ESPN: variants seen among roughly 807,000 people sequenced by gnomAD.
ESPN encodes the protein autosomal recessive deafness type 36 protein.
Under a neutral mutation model 77.7 loss-of-function variants are expected in ESPN, and 68 were observed. The observed-to-expected ratio is 0.87, with a 90% CI of 0.72 to 1.07. The LOEUF (loss-of-function observed/expected upper bound fraction) is 1.07, where lower values mean the gene tolerates loss of function less well. Among genes scored for constraint, ESPN ranks in the 50% least tolerant of loss-of-function variants. The probability of loss-of-function intolerance (pLI) is 0.00; values close to 1 mark genes in which losing one functional copy is unlikely to be tolerated. For synonymous variants in ESPN, 449 were observed against 567.1 expected (o/e 0.79, Z 2.96); for missense variants, 1,060 against 1,239.0 (o/e 0.86, Z 2.17).
At chr1:6,444,120 T>C (rs1310525803) in intron 5 of ESPN, among the ~76,000 whole-genome samples, 4 of 152,220 alleles carry the variant, frequency 2.6e-5, no homozygotes, top group African/African-American at 9.6e-5. Flanking sequence ...GGGCCTGTGC[T>C]GTGCGCCTCC....
In ESPN at chr1:6,451,844, G is replaced by T; in HGVS notation, c.2073G>T (p.Pro691=). The T allele has an allele frequency of 2.5e-6, 4 of 1,611,122 alleles. No individual in the cohort carries two copies. Among genetic ancestry groups the T allele is most frequent in the Non-Finnish European group, 3.4e-6 (4 of 1,179,164 alleles). Residue 691 remains proline, a synonymous_variant, in exon 10 of 13, where the codon CCG becomes CCT. Coordinates refer to ENST00000645284, the MANE Select transcript of ESPN (RefSeq NM_031475.3). This position sits in a 1 kb window ranked among gnomAD's most constrained non-coding sequence, Gnocchi z 4.3. ...GCTTCTCCCTGCAGCCCGATTCGCC[G>T]CTGCCTTCTGTGTCACCTGCACTGT... ...IGQPAFQPDS[P]LPSVSPALSP...
chr1:6,454,817 C>A (rs1253406531), intron 10 of ESPN: 2 of 397,122 alleles, frequency 5.0e-6, no homozygotes, highest in Middle Eastern at 6.3e-4. Flanking sequence ...AGCTGCTGAC[C>A]GCTGACACGG....
Position 6,460,523 on chromosome 1 carries a change from C to T in ESPN, c.*377C>T, listed in dbSNP as rs1454300442. 5.4e-6 allele frequency: 1 copy of T among 185,742 alleles called. No homozygotes were observed. The highest frequency in any genetic ancestry group is 1.1e-5 in the Non-Finnish European group (1 of 88,644). The allele number at this position is 185,742 out of a possible 1,614,324, so 11.5% of individuals were successfully genotyped here. ...CCCCCTCCAGGATGCAGCCCCCTCC[C>T]CCGCACCCCGGAACCGGCGTCGCTG... is the stretch of plus-strand genomic sequence containing the variant. On this transcript the variant is annotated 3_prime_UTR_variant, in exon 13 of 13. Transcript: ENST00000645284.
intron 6 of ESPN, 153 bp from the exon 7 acceptor site, chr1:6,445,511 C>T: frequency 3.6e-6 from 3 of 840,312 alleles, no homozygotes; most frequent in East Asian, 2.6e-5. Flanking sequence ...AGGGGAAGCC[C>T]AGCACCGCCA....
At chr1:6,453,433 G>C (rs1643989424) in intron 10 of ESPN, among the ~76,000 whole-genome samples, 1 of 152,378 alleles carries the variant, frequency 6.6e-6, no homozygotes, top group Admixed American at 6.5e-5. Context: ...TTATACGTGG[G>C]CTGGGGGGCG....
intron 5 of ESPN, among the ~76,000 whole-genome samples, chr1:6,442,589 G>A (rs1462645505): frequency 7.3e-6 from 1 of 137,628 alleles, no homozygotes; most frequent in Non-Finnish European, 1.5e-5. Flanking sequence ...AAAAAAAAAG[G>A]CTGGGCACGG....
intron 2 of ESPN, among the ~76,000 whole-genome samples, chr1:6,436,820 C>T (rs907158174): frequency 3.3e-5 from 5 of 152,154 alleles, no homozygotes; most frequent in Non-Finnish European, 7.3e-5. Flanking sequence ...TCCTTATGCT[C>T]ATCCATATCT....
intron 10 of ESPN, chr1:6,455,804 C>T (rs1283718520): frequency 1.0e-5 from 4 of 398,798 alleles, no homozygotes; most frequent in South Asian, 1.3e-4. Flanking sequence ...AGGTGGAGGC[C>T]GGCCGGCGCG....
In ESPN at chr1:6,460,090, C is replaced by T; in HGVS notation, c.2509C>T (p.Leu837=). 6.2e-7 allele frequency: 1 copy of T among 1,613,398 alleles called. No individual in the cohort carries two copies. Among genetic ancestry groups the T allele is most frequent in the African/African-American group, 1.3e-5 (1 of 75,052 alleles). Residue 837 remains leucine (L), a synonymous_variant, in exon 13 of 13, where the codon CTG becomes TTG. Coordinates refer to ENST00000645284, the MANE Select transcript of ESPN (RefSeq NM_031475.3). ...GACGCTGGGCTACGATGAGAGCAAG[C>T]TGGCGCCCTGGCAGCGACAGGTCAT... The part of the protein sequence containing the change: ...LRTLGYDESK[L]APWQRQVILK...
At position 6,457,492 on chromosome 1, in the gene ESPN, C is replaced by T. The variant is rs138534425; in HGVS notation, c.2417+120C>T. The T allele has an allele frequency of 1.4e-3, 1,659 of 1,195,720 alleles. 21 individuals carry two copies. In the African/African-American group the frequency reaches 0.022, roughly 16 times the overall value. The allele number at this position is 1,195,720 out of a possible 1,614,324, so 74.1% of individuals were successfully genotyped here. A position where few individuals can be genotyped will look rare whatever the true frequency, so the allele number is the denominator to read the frequency against. ...TGTCTCTTGGCCCTTGTAGCACAGC[C>T]TCCTTCCTCCCTATAATACCCCAGA... On this transcript the variant is annotated intron_variant, in intron 12 of 12. Transcript: ENST00000645284.
In ESPN at chr1:6,448,967, GCCGCCCCCA is replaced by G. The variant is rs1197523646; in HGVS notation, c.1797_1805del (p.Pro603_Pro605del). On this transcript the variant is annotated inframe_deletion, in exon 8 of 13. Coordinates refer to ENST00000645284, the MANE Select transcript of ESPN (RefSeq NM_031475.3). Reference sequence around the variant, plus strand: ...CCAAGGCGTCCAGGGAGCTGCCACCGCCGCCCCCACCGCCGCCGCCGCCCCTGCCGGAGG... The same window carrying G: ...CCAAGGCGTCCAGGGAGCTGCCACCGCCGCCGCCGCCGCCCCTGCCGGAGG... The G allele has an allele frequency of 2.8e-6, 4 of 1,406,400 alleles. No homozygotes were observed. Among genetic ancestry groups the G allele is most frequent in the Non-Finnish European group, 3.7e-6 (4 of 1,078,412 alleles). The allele number at this position is 1,406,400 out of a possible 1,614,324, so 87.1% of individuals were successfully genotyped here. A position where few individuals can be genotyped will look rare whatever the true frequency, so the allele number is the denominator to read the frequency against.
In ESPN at chr1:6,438,909, C is replaced by T. The variant is rs565668144; in HGVS notation, c.489-1345C>T. 5.9e-5 allele frequency among the ~76,000 whole-genome samples: 9 copies of T among 152,306 alleles called. No homozygotes were observed. In the South Asian group the frequency reaches 6.2e-4, roughly 11 times the overall value. On this transcript the variant is annotated intron_variant, in intron 2 of 12. Transcript: ENST00000645284. ...GGCGGATCACTTGAGCTCAGGAGTCCGAGACTAGCCTGGCCAAGATGGCAA... is the reference window on the plus strand; with the variant it reads ...GGCGGATCACTTGAGCTCAGGAGTCTGAGACTAGCCTGGCCAAGATGGCAA...
At position 6,441,041 on chromosome 1, in the gene ESPN, C is replaced by G; in HGVS notation, c.966C>G (p.Arg322=). The G allele has an allele frequency of 1.2e-6, 2 of 1,611,632 alleles. No individual in the cohort carries two copies. The highest frequency in any genetic ancestry group is 2.2e-5 in the South Asian group (2 of 90,780). Residue 322 remains arginine, a synonymous_variant, in exon 5 of 13, where the codon CGC becomes CGG. Coordinates refer to ENST00000645284, the MANE Select transcript of ESPN (RefSeq NM_031475.3). The part of the protein sequence containing the change: ...SDFNGHSHCT[R]YLRTVENLSV... ...TCAACGGCCACAGCCACTGCACCCG[C>G]TACCTGCGCACGGTGGAGAACCTGG...
At position 6,457,229 on chromosome 1, in the gene ESPN, C is replaced by T. The variant is rs753969562; in HGVS notation, c.2371C>T (p.Arg791Trp). 1.2e-6 allele frequency: 2 copies of T among 1,612,998 alleles called. No individual in the cohort carries two copies. Among genetic ancestry groups the T allele is most frequent in the Non-Finnish European group, 1.7e-6 (2 of 1,179,432 alleles). The change falls in exon 11 of 13, where the codon CGG becomes TGG. Residue 791 changes from arginine to tryptophan, a missense_variant. Physicochemically the swap from Arg to Trp is moderately radical, Grantham distance 101. Coordinates refer to ENST00000645284, the MANE Select transcript of ESPN (RefSeq NM_031475.3). ...ARLASMPAWRRDLLRKKLEEE... is the reference protein window; with the variant it reads ...ARLASMPAWRWDLLRKKLEEE... ...GCTGGCCAGCATGCCCGCCTGGAGG[C>T]GGGACCTCCTGCGGAAGAAGCTGGA... is the stretch of plus-strand genomic sequence containing the variant.
intron 2 of ESPN, among the ~76,000 whole-genome samples, chr1:6,434,259 C>G (rs1000750699): frequency 6.6e-6 from 1 of 152,194 alleles, no homozygotes; most frequent in African/African-American, 2.4e-5. Flanking sequence ...TGCGTGACAA[C>G]CAAAAGCTAA....
intron 2 of ESPN, among the ~76,000 whole-genome samples, chr1:6,439,093 C>G (rs1466483596): frequency 4.6e-5 from 7 of 152,130 alleles, no homozygotes. Context: ...GCCTGGATGA[C>G]AGAGCAAGAC....
chr1:6,430,277 C>T (rs1474055444), intron 2 of ESPN, among the ~76,000 whole-genome samples: 2 of 152,158 alleles, frequency 1.3e-5, no homozygotes, highest in African/African-American at 2.4e-5. Flanking sequence ...CGTGGGTGAG[C>T]ACTGAGGGAG....
chr1:6,424,780 C>A lies in ESPN; in HGVS notation c.-176C>A. On this transcript the variant is annotated 5_prime_UTR_variant, in exon 1 of 13. Transcript: ENST00000645284. ...GCGTCCGCGGGCTCCGGCCCCAGAGCGCGGCGGAGCGGAGCGCCAGGCAGC... is the reference window on the plus strand; with the variant it reads ...GCGTCCGCGGGCTCCGGCCCCAGAGAGCGGCGGAGCGGAGCGCCAGGCAGC... 1 of 640,728 alleles carries A rather than the reference C, an allele frequency of 1.6e-6. No individual in the cohort carries two copies. The highest frequency in any genetic ancestry group is 2.2e-6 in the Non-Finnish European group (1 of 461,022). The allele number at this position is 640,728 out of a possible 1,614,324, so 39.7% of individuals were successfully genotyped here.
chr1:6,439,750 C>T (rs1454743471), intron 2 of ESPN, among the ~76,000 whole-genome samples: 1 of 152,156 alleles, frequency 6.6e-6, no homozygotes, highest in Admixed American at 6.5e-5. Context: ...TGCGGTGGCT[C>T]TGTAATCCCA....
Sources: gnomAD v4.1 joint callset for allele counts (sites outside exome capture counted in the v4.1 genomes callset) on GRCh38, gnomAD v4.1.1 for gene constraint, Gnocchi (gnomAD v3.1) non-coding constraint, MANE v1.5 for transcripts, NCBI Gene and HGNC (gene_info 2026-07-23, HGNC 2026-07-21) for gene names.